SVIL: variants seen among roughly 807,000 people sequenced by gnomAD.
SVIL encodes supervillin.
A neutral mutation model predicts 240.4 loss-of-function variants in SVIL; 101 were observed. The ratio of observed to expected loss-of-function variants is 0.42; its 90% confidence interval spans 0.36 to 0.50. The LOEUF is 0.50. SVIL is among the 20% of genes least tolerant of loss of function. The probability of loss-of-function intolerance (pLI) is 0.01; values close to 1 mark genes in which losing one functional copy is unlikely to be tolerated. For synonymous variants in SVIL, 999 were observed against 1,100.0 expected, an observed-to-expected ratio of 0.91 and a Z score of 1.82; for missense variants, 2,512 against 2,818.7, an observed-to-expected ratio of 0.89 and a Z score of 2.46.
At chr10:29,640,856 C>T (rs1230001666) in intron 3 of SVIL, among the ~76,000 whole-genome samples, 1 of 152,172 alleles carries the variant, frequency 6.6e-6, no homozygotes, top group Non-Finnish European at 1.5e-5. Context: ...ATCCTCTCCG[C>T]CACTTCCAGA....
Position 29,545,698 on chromosome 10 carries a change from T to A in SVIL, c.827+4899A>T, listed in dbSNP as rs565385582. On this transcript the variant is annotated intron_variant, in intron 6 of 37. Coordinates refer to ENST00000355867, the MANE Select transcript of SVIL (RefSeq NM_021738.3). ...GGTGAAACTCCGTCTCTACTAAAAA[T>A]ACAAAAATTAGTTGGGTGTGGTGGC... is the stretch of plus-strand genomic sequence containing the variant. Among the ~76,000 whole-genome samples, 4 of 151,366 alleles carry A rather than the reference T, an allele frequency of 2.6e-5. No homozygotes were observed. In the East Asian group the frequency reaches 7.8e-4, roughly 29 times the overall value.
chr10:29,630,260 T>A (rs529837470), intron 1 of SVIL, among the ~76,000 whole-genome samples: 72 of 152,308 alleles, frequency 4.7e-4, no homozygotes, highest in Non-Finnish European at 8.8e-4. Context: ...GGCTGTGACA[T>A]GGGCAGACCA....
intron 32 of SVIL, among the ~76,000 whole-genome samples, chr10:29,468,543 C>T (rs1035594362): frequency 1.3e-5 from 2 of 151,366 alleles, no homozygotes; most frequent in African/African-American, 4.9e-5. Flanking sequence ...GTAAGGGTTC[C>T]AATTTTCACA....
At chr10:29,606,064 C>A (rs764034512) in intron 1 of SVIL, among the ~76,000 whole-genome samples, 16 of 152,248 alleles carry the variant, frequency 1.1e-4, no homozygotes, top group Middle Eastern at 6.8e-3. Context: ...GCATCTGCCA[C>A]CACGCGCAGT....
At chr10:29,633,882 C>G (rs1958208654) in intron 1 of SVIL, among the ~76,000 whole-genome samples, 1 of 152,074 alleles carries the variant, frequency 6.6e-6, no homozygotes, top group Non-Finnish European at 1.5e-5. Flanking sequence ...CTCATAAATT[C>G]TGGAACATCG....
In SVIL at chr10:29,532,935, C is replaced by T; in HGVS notation, c.1432G>A (p.Gly478Ser). ...GTGACTGTGCTCACAGCAGGCTTAC[C>T]AAAGTCCTCATTTCTAGAGGGATCT... is the stretch of plus-strand genomic sequence containing the variant. ...PEDPSRNEDF[G>S]KPAVSTVTLE... Residue 478 changes from glycine to serine, a missense_variant, in exon 8 of 38, where the codon GGT becomes AGT. By Grantham distance (56) the Gly-to-Ser change is moderately conservative. Around this residue, in one of 3 missense-constraint regions of SVIL, gnomAD observed 1,443 missense variants for 1,486.6 expected, o/e 0.97. Transcript: ENST00000355867. 1.9e-6 allele frequency: 3 copies of T among 1,614,122 alleles called. No individual in the cohort carries two copies. Among genetic ancestry groups the T allele is most frequent in the Non-Finnish European group, 2.5e-6 (3 of 1,180,030 alleles).
At chr10:29,600,654 T>C (rs1956776482) in intron 1 of SVIL, among the ~76,000 whole-genome samples, 1 of 152,180 alleles carries the variant, frequency 6.6e-6, no homozygotes, top group Admixed American at 6.5e-5. Context: ...ACACATATTA[T>C]TAGAGAATAG....
rs115033678 is a variant in SVIL at position 29,622,688 on chromosome 10, G to A, written c.-201+11732C>T. On this transcript the variant is annotated intron_variant, in intron 1 of 37. Transcript: ENST00000355867. ...CAAACAAAACGCTATTTAAGCTAATGTCTCCCAGAACAACACCATGACCTT... is the reference window on the plus strand; with the variant it reads ...CAAACAAAACGCTATTTAAGCTAATATCTCCCAGAACAACACCATGACCTT... Among the ~76,000 whole-genome samples, 426 of 152,228 alleles carry A rather than the reference G, an allele frequency of 2.8e-3. 1 individual carries two copies. The highest frequency in any genetic ancestry group is 9.7e-3 in the African/African-American group (404 of 41,530).
intron 1 of SVIL, among the ~76,000 whole-genome samples, chr10:29,576,692 G>A (rs1222815187): frequency 2.0e-5 from 3 of 152,162 alleles, no homozygotes. Flanking sequence ...CTACAGGCAT[G>A]TGCCAACATG....
chr10:29,679,699 G>A (rs1230059358), intron 2 of SVIL, among the ~76,000 whole-genome samples: 1 of 151,462 alleles, frequency 6.6e-6, no homozygotes, highest in Non-Finnish European at 1.5e-5. Flanking sequence ...GGGACCGCAG[G>A]CACACACCAC....
intron 6 of SVIL, among the ~76,000 whole-genome samples, chr10:29,540,715 C>T (rs1952084007): frequency 6.6e-6 from 1 of 152,222 alleles, no homozygotes; most frequent in Admixed American, 6.5e-5. Context: ...ACACCAAGAA[C>T]TTCCTGGTCA....
In SVIL at chr10:29,554,491, A is replaced by T. The variant is rs943953436; in HGVS notation, c.160+292T>A. On this transcript the variant is annotated intron_variant, in intron 5 of 37. Coordinates refer to ENST00000355867, the MANE Select transcript of SVIL (RefSeq NM_021738.3). ...AGACTCTGTCTCTACAAAAATGTTT[A>T]AAAAAAAAAATTAGCCTGGTGTGGT... Among the ~76,000 whole-genome samples the T allele has an allele frequency of 5.1e-4, 76 of 148,678 alleles. 1 individual carries two copies. The highest frequency in any genetic ancestry group is 3.2e-3 in the Admixed American group (48 of 14,872).
chr10:29,633,395 A>T (rs1419703224), intron 1 of SVIL, among the ~76,000 whole-genome samples: 1 of 152,132 alleles, frequency 6.6e-6, no homozygotes, highest in Non-Finnish European at 1.5e-5. Context: ...TGGCCAGGGT[A>T]ATGCTGTATG....
intron 1 of SVIL, among the ~76,000 whole-genome samples, chr10:29,689,924 T>C (rs939344150): frequency 6.6e-6 from 1 of 152,128 alleles, no homozygotes; most frequent in Admixed American, 6.5e-5. Context: ...ATTTCCCCAA[T>C]AACAGGTAAA....
intron 2 of SVIL, among the ~76,000 whole-genome samples, chr10:29,685,880 A>C (rs933194554): frequency 6.6e-6 from 1 of 152,172 alleles, no homozygotes; most frequent in Non-Finnish European, 1.5e-5. Context: ...CACTTGGCTT[A>C]GAATTTAATC....
At chr10:29,568,622 C>T (rs536330349) in intron 2 of SVIL, among the ~76,000 whole-genome samples, 6 of 152,250 alleles carry the variant, frequency 3.9e-5, no homozygotes, top group Admixed American at 3.9e-4. Context: ...CATTCATTTC[C>T]ACTTCTCTTA....
At position 29,550,829 on chromosome 10, in the gene SVIL, G is replaced by C. The variant is rs754307724; in HGVS notation, c.595C>G (p.Leu199Val). The stretch of plus-strand genomic sequence containing the variant: ...CGTCTTTGGTTTTCTATGTTCAGCA[G>C]CACCTCCGGGTCGGAAGAGCCGTCA... ...VGDGSSDPEVLLNIENQRRGQ... is the reference protein window; with the variant it reads ...VGDGSSDPEVVLNIENQRRGQ... The change falls in exon 6 of 38, where the codon CTG (leucine) becomes GTG (valine). Residue 199 changes from leucine to valine, a missense_variant. Coordinates refer to ENST00000355867, the MANE Select transcript of SVIL (RefSeq NM_021738.3). The C allele has an allele frequency of 1.1e-5, 18 of 1,614,038 alleles. No homozygotes were observed. Among genetic ancestry groups the C allele is most frequent in the Non-Finnish European group, 1.4e-5 (17 of 1,180,040 alleles).
intron 6 of SVIL, among the ~76,000 whole-genome samples, chr10:29,541,313 A>T (rs565532350): frequency 6.6e-6 from 1 of 152,322 alleles, no homozygotes; most frequent in South Asian, 2.1e-4. Flanking sequence ...TGCGGTCAAG[A>T]ATCAATTCTG....
At chr10:29,717,164 C>T (rs1317603184) in intron 1 of SVIL, among the ~76,000 whole-genome samples, 3 of 129,208 alleles carry the variant, frequency 2.3e-5, no homozygotes, top group Non-Finnish European at 3.2e-5. Flanking sequence ...ACCCGGGAGG[C>T]GGAGCTTGCA....
Sources: allele counts gnomAD v4.1 joint callset (sites outside exome capture counted in the v4.1 genomes callset), GRCh38; gene constraint gnomAD v4.1.1; regional missense constraint gnomAD v4.1.1; transcripts MANE v1.5; gene names NCBI Gene and HGNC (gene_info 2026-07-23, HGNC 2026-07-21).